The following CACNA1A variants were observed in gnomAD, a reference collection of about 807,000 sequenced individuals.
CACNA1A encodes voltage-dependent P/Q-type calcium channel subunit alpha-1A.
Under a neutral mutation model 262.4 loss-of-function variants are expected in CACNA1A, and 57 were observed. The observed-to-expected ratio is 0.22, with a 90% CI of 0.18 to 0.27. CACNA1A has a LOEUF of 0.27. Ranked by LOEUF, CACNA1A falls within the 10% of genes least tolerant of loss-of-function variation. The pLI is 1.00. For synonymous variants in CACNA1A, 1,431 were observed against 1,419.3 expected (o/e 1.01, Z -0.18); for missense variants, 2,526 against 3,562.8 (o/e 0.71, Z 7.41).
chr19:13,478,850 G>A (rs1205476869), intron 1 of CACNA1A, among the ~76,000 whole-genome samples: 1 of 152,206 alleles, frequency 6.6e-6, no homozygotes, highest in Admixed American at 6.5e-5. Context: ...CATGCCACCT[G>A]CTGATCTAGG....
chr19:13,283,460 C>T, intron 21 of CACNA1A, 64 bp from the exon 22 acceptor site: 1 of 1,601,108 alleles, frequency 6.2e-7, no homozygotes, highest in South Asian at 1.1e-5. Context: ...CCCTTTTCTT[C>T]CATAATCTCA....
At chr19:13,409,936 C>T (rs115923362) in intron 3 of CACNA1A, among the ~76,000 whole-genome samples, 2,136 of 152,180 alleles carry the variant, frequency 0.014, 58 homozygotes, top group African/African-American at 0.049. Context: ...TATAAATTGT[C>T]CTTGATAAAC....
At chr19:13,239,763 G>A (rs912321526) in intron 31 of CACNA1A, among the ~76,000 whole-genome samples, 2 of 152,032 alleles carry the variant, frequency 1.3e-5, no homozygotes, top group Non-Finnish European at 2.9e-5. Context: ...GGTACAGGGT[G>A]GGTAGATGTA....
chr19:13,263,061 G>A (rs958580419), intron 24 of CACNA1A: 1 of 538,006 alleles, frequency 1.9e-6, no homozygotes, highest in East Asian at 3.3e-5. Context: ...TCCCAGGGTT[G>A]GTTGAGGGCC....
At chr19:13,449,298 A>T (rs578134039) in intron 3 of CACNA1A, among the ~76,000 whole-genome samples, 1 of 151,770 alleles carries the variant, frequency 6.6e-6, no homozygotes, top group South Asian at 2.1e-4. Flanking sequence ...ACAAAAAACA[A>T]CAACAACAAC....
At chr19:13,333,036 ACAGCT>A (rs1177159178) in intron 8 of CACNA1A, 111 bp from the exon 9 acceptor site, 1 of 803,462 alleles carries the variant, frequency 1.2e-6, no homozygotes, top group East Asian at 2.6e-5. Flanking sequence ...ACTGATGGTG[ACAGCT>A]CAACCGACCA....
chr19:13,446,230 C>A (rs1369593201), intron 3 of CACNA1A, among the ~76,000 whole-genome samples: 1 of 146,838 alleles, frequency 6.8e-6, no homozygotes, highest in African/African-American at 2.6e-5. Context: ...AGCCAAAATC[C>A]CACCACTGCA....
intron 3 of CACNA1A, among the ~76,000 whole-genome samples, chr19:13,384,183 G>C (rs1487500025): frequency 6.6e-6 from 1 of 152,060 alleles, no homozygotes; most frequent in African/African-American, 2.4e-5. Flanking sequence ...CGAGGACAGG[G>C]GCTTTTTTTG....
At chr19:13,353,438 C>T (rs749499071) in intron 6 of CACNA1A, among the ~76,000 whole-genome samples, 4 of 151,962 alleles carry the variant, frequency 2.6e-5, no homozygotes, top group Non-Finnish European at 5.9e-5. Flanking sequence ...AGCACCCCCA[C>T]TCATCATTAT....
intron 38 of CACNA1A, chr19:13,215,312 G>GTTGTTTTTTTTTTTTTTTTTTT (rs1555732745): frequency 8.7e-6 from 1 of 115,100 alleles, no homozygotes. Flanking sequence ...CGCCTGGCTG[G>GTTGTTTTTTTTTTTTTTTTTTT]TTGTTTTTTT....
At chr19:13,505,596 C>T (rs1401616350) in intron 1 of CACNA1A, among the ~76,000 whole-genome samples, 8 of 152,164 alleles carry the variant, frequency 5.3e-5, no homozygotes, top group Non-Finnish European at 1.0e-4. Context: ...GAACTCCAAA[C>T]CCTCCGGACT....
At chr19:13,490,134 G>A (rs1980580455) in intron 1 of CACNA1A, among the ~76,000 whole-genome samples, 2 of 152,170 alleles carry the variant, frequency 1.3e-5, no homozygotes, top group Non-Finnish European at 1.5e-5. Flanking sequence ...AAAAGTAAAT[G>A]ACCAGCAATG....
chr19:13,250,303 G>A (rs904603950), intron 30 of CACNA1A, among the ~76,000 whole-genome samples: 11 of 151,828 alleles, frequency 7.2e-5, no homozygotes, highest in African/African-American at 2.7e-4. Flanking sequence ...CAAGGGATCT[G>A]CCCTCCTCAA....
chr19:13,286,525 G>A lies in CACNA1A; in HGVS notation c.3531C>T (p.Pro1177=), dbSNP rs184723350. The change falls in exon 20 of 47, where the codon CCC becomes CCT. Residue 1177 remains proline, a synonymous_variant. Transcript: ENST00000360228. ...CACCTTGTACGACGGTGTGGTTGAGGGGGGGTGGGCAGGCTGGGGGGATGT... is the reference window on the plus strand; with the variant it reads ...CACCTTGTACGACGGTGTGGTTGAGAGGGGGTGGGCAGGCTGGGGGGATGT... ...TVDIPPACPP[P]LNHTVVQVNK... 1.5e-5 allele frequency: 22 copies of A among 1,491,968 alleles called. No individual in the cohort carries two copies. The highest frequency in any genetic ancestry group is 8.8e-5 in the Admixed American group (4 of 45,342). The allele number at this position is 1,491,968 out of a possible 1,614,324, so 92.4% of individuals were successfully genotyped here. A position where few individuals can be genotyped will look rare whatever the true frequency, so the allele number is the denominator to read the frequency against.
intron 38 of CACNA1A, among the ~76,000 whole-genome samples, chr19:13,219,522 G>T (rs942243574): frequency 6.6e-6 from 1 of 152,158 alleles, no homozygotes; most frequent in Admixed American, 6.6e-5. Context: ...AAGAGTGGGG[G>T]TGTTGTTAGA....
rs532658933 is a variant in CACNA1A at position 13,456,616 on chromosome 19, G to A, written c.294-1404C>T. ...GTGAACCTGGGAGGCGGAGCTTGCA[G>A]TGAGCCAAGATCGTGCCACTGCACT... On this transcript the variant is annotated intron_variant, in intron 1 of 46. Coordinates refer to ENST00000360228, the MANE Select transcript of CACNA1A (RefSeq NM_001127222.2). Among the ~76,000 whole-genome samples, 30 of 152,326 alleles carry A rather than the reference G, an allele frequency of 2.0e-4. No homozygotes were observed. The East Asian group carries it at 4.3e-3, about 22-fold the overall frequency.
intron 6 of CACNA1A, among the ~76,000 whole-genome samples, chr19:13,344,001 G>A (rs1568554384): frequency 1.3e-5 from 2 of 152,118 alleles, no homozygotes; most frequent in South Asian, 2.1e-4. Flanking sequence ...GCTTGAGCTA[G>A]GGGTTTGAGA....
In CACNA1A at chr19:13,291,955, T is replaced by C. The variant is rs193087472; in HGVS notation, c.3090-4989A>G. ...GTTCCTTTTGGGGAGCAGGTTGTCA[T>C]GGTGACAGATGCAGGTGGAATTAGG... On this transcript the variant is annotated intron_variant, in intron 19 of 46. Transcript: ENST00000360228. Among the ~76,000 whole-genome samples, 13 of 152,296 alleles carry C rather than the reference T, an allele frequency of 8.5e-5. No individual in the cohort carries two copies. In the East Asian group the frequency reaches 2.5e-3, roughly 29 times the overall value.
intron 3 of CACNA1A, 131 bp from the exon 4 acceptor site, chr19:13,371,910 G>C: frequency 1.4e-6 from 1 of 705,386 alleles, no homozygotes; most frequent in Non-Finnish European, 2.6e-6. Context: ...CGACACCACT[G>C]GCCTCAGTTT....
Sources: allele counts gnomAD v4.1 joint callset (sites outside exome capture counted in the v4.1 genomes callset), GRCh38; gene constraint gnomAD v4.1.1; transcripts MANE v1.5; gene names NCBI Gene and HGNC (gene_info 2026-07-23, HGNC 2026-07-21).